The following PLA2G6 variants were observed in gnomAD, a reference collection of about 807,000 sequenced individuals.
PLA2G6 encodes 85/88 kDa calcium-independent phospholipase A2.
Under a neutral mutation model 83.8 loss-of-function variants are expected in PLA2G6, and 62 were observed. The ratio of observed to expected loss-of-function variants is 0.74; its 90% confidence interval spans 0.60 to 0.91. The LOEUF (loss-of-function observed/expected upper bound fraction) is 0.91, where lower values mean the gene tolerates loss of function less well. Ranked by LOEUF, PLA2G6 falls within the 40% of genes least tolerant of loss-of-function variation. The pLI is 0.00. For missense variants in PLA2G6, 944 were observed against 1,102.0 expected (o/e 0.86, Z 2.03); for synonymous variants, 417 against 449.8 (o/e 0.93, Z 0.92).
intron 3 of PLA2G6, 81 bp downstream of exon 3, chr22:38,145,357 G>A (rs2089184848): frequency 7.6e-6 from 9 of 1,182,086 alleles, no homozygotes; most frequent in Non-Finnish European, 1.1e-5. Context: ...AACTATGGAG[G>A]GGAACCGAGG....
At chr22:38,147,539 T>A (rs1305640714) in intron 2 of PLA2G6, 1 of 48,882 alleles carries the variant, frequency 2.0e-5, no homozygotes, top group Non-Finnish European at 5.1e-5. Context: ...TCCTGAAGCC[T>A]TTTTTTTTTT....
rs1216365707 is a variant in PLA2G6, at chr22:38,134,969, C to CACCT, written c.894+15_894+18dup. 7.1e-7 allele frequency: 1 copy of CACCT among 1,414,838 alleles called. No individual in the cohort carries two copies. Among genetic ancestry groups the CACCT allele is most frequent in the Non-Finnish European group, 1.0e-6 (1 of 1,001,050 alleles). The allele number at this position is 1,414,838 out of a possible 1,614,324, so 87.6% of individuals were successfully genotyped here. On this transcript the variant is annotated intron_variant, in intron 6 of 16. Transcript: ENST00000332509. ...GGCCCGGCCCCCTGCCCCACCCACC[C>CACCT]ACCTCAGGATCCACTCACCTCTGCG...
intron 12 of PLA2G6, among the ~76,000 whole-genome samples, chr22:38,116,860 A>AAAAC (rs1437854358): frequency 3.3e-5 from 5 of 150,626 alleles, no homozygotes; most frequent in Non-Finnish European, 4.4e-5. Context: ...TCAAAAAAAA[A>AAAAC]AAAAAAAAAA....
chr22:38,155,174 C>A (rs571725012), intron 2 of PLA2G6, among the ~76,000 whole-genome samples: 1 of 150,904 alleles, frequency 6.6e-6, no homozygotes, highest in African/African-American at 2.4e-5. Flanking sequence ...TTGCAGTGAG[C>A]GGAAATCGCG....
At position 38,122,469 on chromosome 22, in the gene PLA2G6, A is replaced by G. The variant is rs1248646316; in HGVS notation, c.1591+626T>C. On this transcript the variant is annotated intron_variant, in intron 11 of 16. Transcript: ENST00000332509. ...CTGACCACCCGGCTATCTGTCCAGC[A>G]AGCCAGGCGCCTTCGCAAAGCGGCA... is the stretch of plus-strand genomic sequence containing the variant. Among the ~76,000 whole-genome samples the G allele has an allele frequency of 2.6e-5, 4 of 152,250 alleles. No individual in the cohort carries two copies. In the East Asian group the frequency reaches 7.7e-4, roughly 29 times the overall value.
chr22:38,134,998 T>C lies in PLA2G6; in HGVS notation c.884A>G (p.Lys295Arg). 1.4e-6 allele frequency: 2 copies of C among 1,401,326 alleles called. No individual in the cohort carries two copies. Among genetic ancestry groups the C allele is most frequent in the African/African-American group, 1.4e-5 (1 of 69,004 alleles). The allele number at this position is 1,401,326 out of a possible 1,614,324, so 86.8% of individuals were successfully genotyped here. A position where few individuals can be genotyped will look rare whatever the true frequency, so the allele number is the denominator to read the frequency against. ...RYGASPLHWA[K>R]NAEMARMLLK... Reference sequence around the variant, plus strand: ...TCAGGATCCACTCACCTCTGCGTTCTTGGCCCAGTGGAGGGGGCTGGCTCC... The same window carrying C: ...TCAGGATCCACTCACCTCTGCGTTCCTGGCCCAGTGGAGGGGGCTGGCTCC... The change falls in exon 6 of 17, where the codon AAG becomes AGG. Residue 295 changes from lysine to arginine, a missense_variant. Coordinates refer to ENST00000332509, the MANE Select transcript of PLA2G6 (RefSeq NM_003560.4).
chr22:38,113,800 A>G, intron 14 of PLA2G6, 146 bp from the exon 15 acceptor site: 2 of 775,594 alleles, frequency 2.6e-6, no homozygotes, highest in Non-Finnish European at 4.5e-6. Context: ...CATGCCTGGC[A>G]TGATTTCCAG....
intron 1 of PLA2G6, among the ~76,000 whole-genome samples, chr22:38,173,518 CCCCTGCTGA>C (rs2090515913): frequency 6.6e-6 from 1 of 152,068 alleles, no homozygotes; most frequent in Non-Finnish European, 1.5e-5. Flanking sequence ...AATTTTGGTG[CCCCTGCTGA>C]GGGAAGCCAG....
At chr22:38,145,822 CACACACACACA>C in intron 2 of PLA2G6, 169 bp from the exon 3 acceptor site, 1 of 661,334 alleles carries the variant, frequency 1.5e-6, no homozygotes, top group Non-Finnish European at 2.8e-6. Flanking sequence ...CACACACACA[CACACACACACA>C]CCCCTATACA....
chr22:38,167,224 T>C (rs2090253270), intron 2 of PLA2G6, among the ~76,000 whole-genome samples: 1 of 97,332 alleles, frequency 1.0e-5, no homozygotes, highest in Non-Finnish European at 2.0e-5. Flanking sequence ...CGAGACTCTG[T>C]CTCAAAAAAA....
chr22:38,153,491 C>A (rs2089656692), intron 2 of PLA2G6, among the ~76,000 whole-genome samples: 2 of 151,986 alleles, frequency 1.3e-5, no homozygotes, highest in Admixed American at 6.6e-5. Context: ...AAAAAAGTAG[C>A]CAAGCATGGT....
intron 2 of PLA2G6, among the ~76,000 whole-genome samples, chr22:38,158,067 T>C (rs961362456): frequency 6.6e-6 from 1 of 151,944 alleles, no homozygotes; most frequent in Non-Finnish European, 1.5e-5. Flanking sequence ...AAGGCTAGTC[T>C]GATACAGGCT....
chr22:38,164,194 G>C (rs942808826), intron 2 of PLA2G6, among the ~76,000 whole-genome samples: 1 of 152,196 alleles, frequency 6.6e-6, no homozygotes, highest in Non-Finnish European at 1.5e-5. Flanking sequence ...CACGGGGAGA[G>C]CCAGGGCCCC....
At position 38,156,849 on chromosome 22, in the gene PLA2G6, G is replaced by A. The variant is rs1471391665; in HGVS notation, c.210-11196C>T. Among the ~76,000 whole-genome samples, 6 of 152,122 alleles carry A rather than the reference G, an allele frequency of 3.9e-5. No homozygotes were observed. In the South Asian group the frequency reaches 6.2e-4, roughly 16 times the overall value. ...AAACAAGGTATTTTGCACACCATAC[G>A]AACACATGGAAATGAAATAATATGC... On this transcript the variant is annotated intron_variant, in intron 2 of 16. Transcript: ENST00000332509.
chr22:38,126,330 G>C (rs374686605), intron 10 of PLA2G6, 41 bp downstream of exon 10: 1 of 1,469,546 alleles, frequency 6.8e-7, no homozygotes, highest in South Asian at 1.1e-5. Flanking sequence ...GCAGGAAAGC[G>C]CACACGTTCC....
At position 38,132,960 on chromosome 22, in the gene PLA2G6, C is replaced by A; in HGVS notation, c.948G>T (p.Ala316=). ...CCGCCACGTGCAGGGCCGTGTTCCCCGCGGAGCTGGTGCTGTTCACGTTGC... is the reference window on the plus strand; with the variant it reads ...CCGCCACGTGCAGGGCCGTGTTCCCAGCGGAGCTGGTGCTGTTCACGTTGC... ...RGCNVNSTSS[A]GNTALHVAVM... is the part of the protein sequence containing the mutation. Residue 316 remains alanine, a synonymous_variant, in exon 7 of 17, where the codon GCG becomes GCT. Transcript: ENST00000332509. The surrounding 1 kb of genome is among the most constrained non-coding windows in gnomAD (Gnocchi z 5.0). The A allele has an allele frequency of 1.3e-6, 2 of 1,564,430 alleles. No homozygotes were observed. Among genetic ancestry groups the A allele is most frequent in the East Asian group, 2.4e-5 (1 of 42,118 alleles).
intron 11 of PLA2G6, among the ~76,000 whole-genome samples, chr22:38,122,381 T>C (rs955793834): frequency 1.3e-5 from 2 of 152,090 alleles, no homozygotes; most frequent in African/African-American, 2.4e-5. Flanking sequence ...GATCTGGCAG[T>C]GCCCCTCCCC....
chr22:38,173,382 G>A (rs1569304039), intron 1 of PLA2G6, among the ~76,000 whole-genome samples: 1 of 151,826 alleles, frequency 6.6e-6, no homozygotes, highest in African/African-American at 2.4e-5. Context: ...GACACAGACC[G>A]CACCTCGGCT....
intron 1 of PLA2G6, among the ~76,000 whole-genome samples, chr22:38,177,385 C>G (rs1020233294): frequency 6.6e-6 from 1 of 152,080 alleles, no homozygotes; most frequent in Non-Finnish European, 1.5e-5. Context: ...CCCCTCACAC[C>G]CCATCAGCAC....
Sources: allele counts gnomAD v4.1 joint callset (sites outside exome capture counted in the v4.1 genomes callset), GRCh38; gene constraint gnomAD v4.1.1; non-coding constraint Gnocchi (gnomAD v3.1); transcripts MANE v1.5; gene names NCBI Gene and HGNC (gene_info 2026-07-23, HGNC 2026-07-21).